Variants in SFT2D2 observed in about 807,000 individuals in gnomAD.
SFT2D2 encodes the protein SFT2 domain containing 2.
Under a neutral mutation model 27.4 loss-of-function variants are expected in SFT2D2, and 21 were observed. The ratio of observed to expected loss-of-function variants is 0.77; its 90% CI spans 0.54 to 1.10. The LOEUF (loss-of-function observed/expected upper bound fraction) is 1.10. Among genes scored for constraint, SFT2D2 ranks in the 50% least tolerant of loss-of-function variants. SFT2D2 has a pLI of 0.00. For synonymous variants in SFT2D2, 72 were observed against 71.7 expected (o/e 1.00, Z -0.02); for missense variants, 187 against 194.2 (o/e 0.96, Z 0.22).
intron 1 of SFT2D2, among the ~76,000 whole-genome samples, chr1:168,228,146 C>T (rs1700480412): frequency 6.6e-6 from 1 of 152,198 alleles, no homozygotes; most frequent in African/African-American, 2.4e-5. Context: ...GTCTTGAATT[C>T]CTAGGAAATG....
intron 7 of SFT2D2, among the ~76,000 whole-genome samples, chr1:168,241,944 A>G (rs1186967073): frequency 1.3e-5 from 2 of 152,150 alleles, no homozygotes; most frequent in Admixed American, 6.5e-5. Flanking sequence ...GGTGGTGGAA[A>G]TGGAAGTGCT....
intron 3 of SFT2D2, 96 bp downstream of exon 3, chr1:168,232,015 G>GT (rs1647335454): frequency 1.0e-6 from 1 of 953,690 alleles, no homozygotes; most frequent in African/African-American, 1.6e-5. Context: ...GGCTCCAGTA[G>GT]TTGTAAGGAA....
At chr1:168,238,779 G>A (rs374445825) in intron 6 of SFT2D2, among the ~76,000 whole-genome samples, 1 of 152,168 alleles carries the variant, frequency 6.6e-6, no homozygotes, top group African/African-American at 2.4e-5. Flanking sequence ...TTTCAGAATA[G>A]AGTTTCTGTG....
At chr1:168,231,136 A>T (rs997422399) in intron 1 of SFT2D2, among the ~76,000 whole-genome samples, 1 of 152,160 alleles carries the variant, frequency 6.6e-6, no homozygotes, top group South Asian at 2.1e-4. Context: ...TGGACTTGTG[A>T]GTCCCTGGTG....
intron 7 of SFT2D2, among the ~76,000 whole-genome samples, chr1:168,241,988 A>C (rs1647654870): frequency 1.3e-5 from 2 of 151,906 alleles, no homozygotes; most frequent in Admixed American, 1.3e-4. Context: ...TTGAAGACCA[A>C]CTCTTCCTTG....
At chr1:168,226,894 A>G (rs1700466951) in intron 1 of SFT2D2, among the ~76,000 whole-genome samples, 1 of 151,994 alleles carries the variant, frequency 6.6e-6, no homozygotes. Context: ...ATCTTGGCTC[A>G]CTGCAGCCTC....
chr1:168,252,161 G>A lies in SFT2D2; in HGVS notation c.*9621G>A, dbSNP rs189914547. ...AAAAGTATGTCCTTTTCTAGCAGGA[G>A]CAGATAAACTGATAATGGTCTTAGA... On this transcript the variant is annotated 3_prime_UTR_variant, in exon 8 of 8. Transcript: ENST00000271375. 2 of 152,296 alleles carry A rather than the reference G, an allele frequency of 1.3e-5. No homozygotes were observed. The highest frequency in any genetic ancestry group is 4.8e-5 in the African/African-American group (2 of 41,562). The allele number at this position is 152,296 out of a possible 1,614,324, so 9.4% of individuals were successfully genotyped here. A position where few individuals can be genotyped will look rare whatever the true frequency, so the allele number is the denominator to read the frequency against.
intron 7 of SFT2D2, among the ~76,000 whole-genome samples, chr1:168,239,970 T>TC (rs1275604038): frequency 1.3e-5 from 2 of 151,738 alleles, no homozygotes; most frequent in African/African-American, 4.8e-5. Context: ...TGTCAGGAGA[T>TC]CGAGACCATC....
intron 1 of SFT2D2, among the ~76,000 whole-genome samples, chr1:168,226,918 C>A (rs965336400): frequency 1.3e-5 from 2 of 152,114 alleles, no homozygotes; most frequent in African/African-American, 4.8e-5. Flanking sequence ...CTCCTGGGTT[C>A]AAGCGATTCT....
rs1368207060 is a variant in SFT2D2, at chr1:168,230,510, T to C, written c.64-1004T>C. On this transcript the variant is annotated intron_variant, in intron 1 of 7. Coordinates refer to ENST00000271375, the MANE Select transcript of SFT2D2 (RefSeq NM_199344.3). ...TTTTTCCGAGACAGAGTTACACTCTTGTTGCCCAGGCTGGAGTACAATGTA... is the reference window on the plus strand; with the variant it reads ...TTTTTCCGAGACAGAGTTACACTCTCGTTGCCCAGGCTGGAGTACAATGTA... Among the ~76,000 whole-genome samples, 9 of 152,268 alleles carry C rather than the reference T, an allele frequency of 5.9e-5. No individual in the cohort carries two copies. The East Asian group carries it at 1.2e-3, about 20-fold the overall frequency.
intron 2 of SFT2D2, 29 bp from the exon 3 acceptor site, chr1:168,231,805 A>C: frequency 1.2e-6 from 2 of 1,609,510 alleles, no homozygotes; most frequent in Non-Finnish European, 1.7e-6. Flanking sequence ...AGGGTTGCTC[A>C]TGTGCAAACA....
intron 7 of SFT2D2, 42 bp from the exon 8 acceptor site, chr1:168,242,459 G>A (rs756406618): frequency 1.2e-6 from 2 of 1,613,446 alleles, no homozygotes; most frequent in Non-Finnish European, 1.7e-6. Flanking sequence ...GTGCCTTTGG[G>A]GTGATGACGT....
At chr1:168,229,417 C>T (rs1484299390) in intron 1 of SFT2D2, among the ~76,000 whole-genome samples, 2 of 152,258 alleles carry the variant, frequency 1.3e-5, no homozygotes, top group Non-Finnish European at 2.9e-5. Flanking sequence ...GGTTTATCCT[C>T]TTCAAATAGA....
At chr1:168,236,210 C>A (rs953653998) in intron 4 of SFT2D2, among the ~76,000 whole-genome samples, 2 of 152,230 alleles carry the variant, frequency 1.3e-5, no homozygotes, top group African/African-American at 4.8e-5. Flanking sequence ...TTTGTCCTCA[C>A]ATGTGCTTTC....
At position 168,246,885 on chromosome 1, in the gene SFT2D2, A is replaced by G. The variant is rs997078821; in HGVS notation, c.*4345A>G. On this transcript the variant is annotated 3_prime_UTR_variant, in exon 8 of 8. Transcript: ENST00000271375. The stretch of plus-strand genomic sequence containing the variant: ...TTCATGCTTTCTTTTTATAATTTCA[A>G]TGTCTTTTAAGTATTTCTTTTCCAG... 5.1e-6 allele frequency: 3 copies of G among 583,356 alleles called. No individual in the cohort carries two copies. Among genetic ancestry groups the G allele is most frequent in the Admixed American group, 4.5e-5 (2 of 44,810 alleles). The allele number at this position is 583,356 out of a possible 1,614,324, so 36.1% of individuals were successfully genotyped here. A position where few individuals can be genotyped will look rare whatever the true frequency, so the allele number is the denominator to read the frequency against.
In SFT2D2 at chr1:168,245,630, C is replaced by A. The variant is rs757219028; in HGVS notation, c.*3090C>A. ...AAGATTCACATGGCATGCAGATGAT[C>A]TAGAAGATCCACAGTAACTCTCCTG... On this transcript the variant is annotated 3_prime_UTR_variant, in exon 8 of 8. Transcript: ENST00000271375. The A allele has an allele frequency of 1.5e-5, 2 of 136,100 alleles. No individual in the cohort carries two copies. The highest frequency in any genetic ancestry group is 5.5e-5 in the African/African-American group (2 of 36,170). 8.4% of individuals were successfully genotyped at this position (136,100 alleles called of 1,614,324 possible). A position where few individuals can be genotyped will look rare whatever the true frequency, so the allele number is the denominator to read the frequency against.
At chr1:168,229,439 T>A (rs1027703089) in intron 1 of SFT2D2, among the ~76,000 whole-genome samples, 4 of 152,244 alleles carry the variant, frequency 2.6e-5, no homozygotes, top group African/African-American at 9.6e-5. Flanking sequence ...AGGTTGAATC[T>A]TTTAAAATTA....
rs1232293514 is a variant in SFT2D2, at chr1:168,244,254, T to A, written c.*1714T>A. 1 of 151,586 alleles carries A rather than the reference T, an allele frequency of 6.6e-6. No homozygotes were observed. The highest frequency in any genetic ancestry group is 1.5e-5 in the Non-Finnish European group (1 of 68,044). The allele number at this position is 151,586 out of a possible 1,614,324, so 9.4% of individuals were successfully genotyped here. A position where few individuals can be genotyped will look rare whatever the true frequency, so the allele number is the denominator to read the frequency against. On this transcript the variant is annotated 3_prime_UTR_variant, in exon 8 of 8. Coordinates refer to ENST00000271375, the MANE Select transcript of SFT2D2 (RefSeq NM_199344.3). ...GTGCAGTGGCGTGATCTCTGCTCAC[T>A]GCAACCTCCACCTCCCGGGTTCAAG...
rs1647679688 is a variant in SFT2D2, at chr1:168,242,633, CAT to C, written c.*94_*95del. 6.9e-7 allele frequency: 1 copy of C among 1,440,910 alleles called. No individual in the cohort carries two copies. The highest frequency in any genetic ancestry group is 9.8e-7 in the Non-Finnish European group (1 of 1,022,986). 89.3% of individuals were successfully genotyped at this position (1,440,910 alleles called of 1,614,324 possible). On this transcript the variant is annotated 3_prime_UTR_variant, in exon 8 of 8. Coordinates refer to ENST00000271375, the MANE Select transcript of SFT2D2 (RefSeq NM_199344.3). ...ATCTTCGAAACCTCTGTCTTACAGA[CAT>C]GTGCCTTTTATCTTGCAGCAATGTG...
Sources: gnomAD v4.1 joint callset for allele counts (sites outside exome capture counted in the v4.1 genomes callset) on GRCh38, gnomAD v4.1.1 for gene constraint, MANE v1.5 for transcripts, NCBI Gene and HGNC (gene_info 2026-07-23, HGNC 2026-07-21) for gene names.